The following MCM9 variants were observed in gnomAD, a reference collection of about 807,000 sequenced individuals.
The protein encoded by MCM9 is DNA helicase MCM9.
In MCM9, 55 loss-of-function variants were observed where a neutral mutation model predicts 72.8. The observed-to-expected ratio is 0.76, with a 90% confidence interval of 0.61 to 0.95. The LOEUF (loss-of-function observed/expected upper bound fraction) is 0.95, where lower values mean the gene tolerates loss of function less well. Among genes scored for constraint, MCM9 ranks in the 40% least tolerant of loss-of-function variants. The pLI, the probability that MCM9 is intolerant of heterozygous loss-of-function variation, is 0.00. For missense variants in MCM9, 1,279 were observed against 1,377.0 expected (o/e 0.93, Z 1.13); for synonymous variants, 480 against 503.4 (o/e 0.95, Z 0.62).
chr6:118,907,659 CAG>C, intron 8 of MCM9: 2 of 1,466,776 alleles, frequency 1.4e-6, no homozygotes, highest in Non-Finnish European at 1.9e-6. Flanking sequence ...TAAAAATACA[CAG>C]AACTATTTCC....
At chr6:118,889,910 A>C (rs1778837394) in intron 8 of MCM9, among the ~76,000 whole-genome samples, 1 of 152,200 alleles carries the variant, frequency 6.6e-6, no homozygotes, top group African/African-American at 2.4e-5. Context: ...AGAACACAAA[A>C]CAGTGAAACT....
Position 118,815,843 on chromosome 6 carries a change from C to T in MCM9, c.2413G>A (p.Glu805Lys). The change falls in exon 14 of 14, where the codon GAG (glutamate) becomes AAG (lysine). Residue 805 changes from glutamate (E) to lysine (K), a missense_variant. By Grantham distance (56) the Glu-to-Lys change is moderately conservative (BLOSUM62 1). Transcript: ENST00000619706. ...VDIGLLPSPG[E>K]TGVPWRADNV... ...TCTGCCCTCCATGGAACACCTGTCT[C>T]TCCTGGTGATGGAAGCAACCCAATG... The T allele has an allele frequency of 1.9e-6, 3 of 1,540,026 alleles. No individual in the cohort carries two copies. The highest frequency in any genetic ancestry group is 2.6e-6 in the Non-Finnish European group (3 of 1,147,024).
intron 9 of MCM9, among the ~76,000 whole-genome samples, chr6:118,837,586 G>T (rs965169965): frequency 6.6e-6 from 1 of 152,098 alleles, no homozygotes; most frequent in African/African-American, 2.4e-5. Context: ...GGATAGTTAG[G>T]TCTTCTTGTT....
chr6:118,839,234 A>G (rs770021183), intron 9 of MCM9, among the ~76,000 whole-genome samples: 16 of 151,736 alleles, frequency 1.1e-4, no homozygotes, highest in Non-Finnish European at 2.4e-4. Context: ...ATACTTCCGT[A>G]TGCTTCATGA....
At chr6:118,915,135 G>A (rs1780837672) in intron 6 of MCM9, among the ~76,000 whole-genome samples, 1 of 152,192 alleles carries the variant, frequency 6.6e-6, no homozygotes, top group Non-Finnish European at 1.5e-5. Context: ...TAGGACTGGG[G>A]TCCCAGAGAG....
rs1261106650 is a variant in MCM9, at chr6:118,935,058, T to C, written c.-317A>G. On this transcript the variant is annotated 5_prime_UTR_variant, in exon 1 of 14. Transcript: ENST00000619706. Reference sequence around the variant, plus strand: ...ACCGGCCGCGGGGACGCGCGGGCTGTGTCGGGCGGCCTAGCGCCTGCGGCT... The same window carrying C: ...ACCGGCCGCGGGGACGCGCGGGCTGCGTCGGGCGGCCTAGCGCCTGCGGCT... 1 of 152,064 alleles carries C rather than the reference T, an allele frequency of 6.6e-6. No homozygotes were observed. Among genetic ancestry groups the C allele is most frequent in the Non-Finnish European group, 1.5e-5 (1 of 68,004 alleles). 9.4% of individuals were successfully genotyped at this position (152,064 alleles called of 1,614,324 possible). A position where few individuals can be genotyped will look rare whatever the true frequency, so the allele number is the denominator to read the frequency against.
chr6:118,872,370 T>C (rs925242511), intron 8 of MCM9, among the ~76,000 whole-genome samples: 1 of 150,676 alleles, frequency 6.6e-6, no homozygotes. Context: ...TCCCAAAATA[T>C]CTGAAGACTG....
chr6:118,836,162 A>G (rs1774942469), intron 9 of MCM9, among the ~76,000 whole-genome samples: 3 of 152,266 alleles, frequency 2.0e-5, no homozygotes, highest in African/African-American at 4.8e-5. Context: ...ATTGATTTGC[A>G]TATGTTGAAC....
At chr6:118,893,581 A>C (rs1419495495) in intron 8 of MCM9, among the ~76,000 whole-genome samples, 1 of 152,170 alleles carries the variant, frequency 6.6e-6, no homozygotes, top group Non-Finnish European at 1.5e-5. Context: ...GTGTTGCTTA[A>C]CGGCGCTGTC....
intron 8 of MCM9, among the ~76,000 whole-genome samples, chr6:118,893,624 A>G (rs1007892216): frequency 2.6e-5 from 4 of 152,144 alleles, no homozygotes; most frequent in African/African-American, 9.7e-5. Context: ...CAAGAGCTAG[A>G]TTTCCAAAAT....
At position 118,914,272 on chromosome 6, in the gene MCM9, T is replaced by C. The variant is rs549900179; in HGVS notation, c.905-852A>G. Among the ~76,000 whole-genome samples, 5 of 152,270 alleles carry C rather than the reference T, an allele frequency of 3.3e-5. No homozygotes were observed. In the South Asian group the frequency reaches 1.0e-3, roughly 32 times the overall value. On this transcript the variant is annotated intron_variant, in intron 6 of 13. Transcript: ENST00000619706. ...AAGAACATCACTGTTTGGGGTTCTG[T>C]TTTCAGAAATAACGCACCAAATCTG...
rs751517648 is a variant in MCM9, at chr6:118,923,976, A to T, written c.456T>A (p.His152Gln). 30 of 1,614,098 alleles carry T rather than the reference A, an allele frequency of 1.9e-5. No homozygotes were observed. The highest frequency in any genetic ancestry group is 2.5e-5 in the Non-Finnish European group (29 of 1,180,034). The change falls in exon 4 of 14, where the codon CAT becomes CAA. Residue 152 changes from histidine to glutamine, a missense_variant. His to Gln is a conservative substitution (Grantham distance 24). Coordinates refer to ENST00000619706, the MANE Select transcript of MCM9 (RefSeq NM_017696.3). The part of the protein sequence containing the change: ...ERDYMCNKCK[H>Q]VFVIKADFEQ... ...CAAAGTCAGCCTTGATCACAAACAC[A>T]TGCTTGCATTTGTTACACATGTAAT...
At chr6:118,869,599 CAAAAAAA>C in intron 8 of MCM9, among the ~76,000 whole-genome samples, 2 of 58,298 alleles carry the variant, frequency 3.4e-5, no homozygotes, top group East Asian at 6.0e-4. Flanking sequence ...AAAGGATTTA[CAAAAAAA>C]AAAAAAAAAA....
chr6:118,836,354 G>A lies in MCM9; in HGVS notation c.1326-7104C>T, dbSNP rs148818780. 1.8e-3 allele frequency among the ~76,000 whole-genome samples: 278 copies of A among 152,292 alleles called. 1 individual carries two copies. The highest frequency in any genetic ancestry group is 0.01 in the South Asian group (50 of 4,822). On this transcript the variant is annotated intron_variant, in intron 9 of 13. Transcript: ENST00000619706. ...AGGTTTTGATAGCAGAATGATGCTG[G>A]CCTCATAAAATGAGTTGGGGGGAGC...
intron 13 of MCM9, among the ~76,000 whole-genome samples, chr6:118,820,573 T>C (rs1773731122): frequency 1.3e-5 from 2 of 152,224 alleles, no homozygotes; most frequent in South Asian, 4.1e-4. Context: ...AAGTGCTATG[T>C]GGTGCTGAGA....
chr6:118,911,027 A>C, intron 8 of MCM9: 1 of 984,522 alleles, frequency 1.0e-6, no homozygotes. Flanking sequence ...AAAAATACAA[A>C]ATAGCATCAA....
chr6:118,927,875 G>A (rs1176852318), intron 3 of MCM9, among the ~76,000 whole-genome samples: 3 of 152,234 alleles, frequency 2.0e-5, no homozygotes, highest in Non-Finnish European at 4.4e-5. Flanking sequence ...TGCTTCTAGA[G>A]TAACCTGAGC....
Position 118,820,499 on chromosome 6 carries a change from A to T in MCM9, c.1962-4205T>A, listed in dbSNP as rs116612992. On this transcript the variant is annotated intron_variant, in intron 13 of 13. Transcript: ENST00000619706. Reference sequence around the variant, plus strand: ...GTGGTCTGAGAAACTGTTTGTGATGATTTCCAATCTTTTGCATTTCCTGAG... The same window carrying T: ...GTGGTCTGAGAAACTGTTTGTGATGTTTTCCAATCTTTTGCATTTCCTGAG... Among the ~76,000 whole-genome samples the T allele has an allele frequency of 6.5e-3, 988 of 152,252 alleles. 7 individuals are homozygous for T. Among genetic ancestry groups the T allele is most frequent in the African/African-American group, 0.022 (920 of 41,540 alleles).
intron 13 of MCM9, among the ~76,000 whole-genome samples, chr6:118,816,806 T>C (rs867064751): frequency 3.9e-5 from 6 of 152,202 alleles, no homozygotes; most frequent in Middle Eastern, 3.4e-3. Context: ...GTTGAGGTAC[T>C]GAGTGCATCT....
Sources: allele counts gnomAD v4.1 joint callset (sites outside exome capture counted in the v4.1 genomes callset), GRCh38; gene constraint gnomAD v4.1.1; transcripts MANE v1.5; gene names NCBI Gene and HGNC (gene_info 2026-07-23, HGNC 2026-07-21).